The following TCF4 variants were observed in gnomAD, a reference collection of about 807,000 sequenced individuals.
TCF4 encodes transcription factor 4.
A neutral mutation model predicts 82.1 loss-of-function variants in TCF4; 3 were observed. The ratio of observed to expected loss-of-function variants is 0.04; its 90% CI spans 0.02 to 0.09. The LOEUF is 0.09. TCF4 is among the 10% of genes least tolerant of loss of function. The probability of loss-of-function intolerance (pLI) is 1.00; values close to 1 mark genes in which losing one functional copy is unlikely to be tolerated. For missense variants in TCF4, 518 were observed against 852.7 expected (o/e 0.61, Z 4.89); for synonymous variants, 276 against 309.6 (o/e 0.89, Z 1.14).
chr18:55,351,228 C>G, intron 6 of TCF4: 1 of 516,504 alleles, frequency 1.9e-6, no homozygotes, highest in South Asian at 2.2e-5. Context: ...AGATGATTCC[C>G]TTTAAACAAT....
chr18:55,237,207 C>T (rs1294715884), intron 15 of TCF4, among the ~76,000 whole-genome samples: 1 of 152,082 alleles, frequency 6.6e-6, no homozygotes, highest in Non-Finnish European at 1.5e-5. Context: ...TCAAGAACCC[C>T]CTCAAAACTC....
intron 3 of TCF4, chr18:55,510,700 A>G: frequency 6.9e-7 from 1 of 1,443,196 alleles, no homozygotes; most frequent in Non-Finnish European, 9.1e-7. Context: ...CTCCACTTTA[A>G]AAGGCCTTTC....
chr18:55,318,559 A>G (rs2074716816), intron 8 of TCF4, among the ~76,000 whole-genome samples: 1 of 152,144 alleles, frequency 6.6e-6, no homozygotes, highest in Admixed American at 6.6e-5. Flanking sequence ...CTGAGGAGAA[A>G]CTGATTTTTA....
chr18:55,446,338 C>A (rs1340746461), intron 5 of TCF4, among the ~76,000 whole-genome samples: 2 of 152,168 alleles, frequency 1.3e-5, no homozygotes, highest in Non-Finnish European at 2.9e-5. Context: ...AGGGGAAAAA[C>A]CCCTTTGTTT....
chr18:55,244,317 G>A (rs1327684140), intron 15 of TCF4, among the ~76,000 whole-genome samples: 3 of 152,076 alleles, frequency 2.0e-5, no homozygotes, highest in African/African-American at 7.2e-5. Context: ...TTATGGTACT[G>A]CTTATTTGAA....
At chr18:55,341,652 C>T (rs1569092995) in intron 8 of TCF4, among the ~76,000 whole-genome samples, 2 of 152,028 alleles carry the variant, frequency 1.3e-5, no homozygotes, top group Non-Finnish European at 1.5e-5. Context: ...TATTCATTCA[C>T]TGGAAATATA....
intron 12 of TCF4, among the ~76,000 whole-genome samples, chr18:55,260,615 G>C (rs1264001590): frequency 6.6e-6 from 1 of 152,118 alleles, no homozygotes; most frequent in Non-Finnish European, 1.5e-5. Context: ...TTGGAGTGCA[G>C]TGGCATGATC....
intron 3 of TCF4, among the ~76,000 whole-genome samples, chr18:55,554,607 G>A (rs2097288666): frequency 6.6e-6 from 1 of 152,104 alleles, no homozygotes; most frequent in Non-Finnish European, 1.5e-5. Context: ...AAACATATCT[G>A]TGGAAGTACT....
rs536511475 is a variant in TCF4 at position 55,300,665 on chromosome 18, T to C, written c.550-21009A>G. On this transcript the variant is annotated intron_variant, in intron 8 of 19. Coordinates refer to ENST00000354452, the MANE Select transcript of TCF4 (RefSeq NM_001083962.2). ...GCCTGGCGTTGCCATCAAATGGTAA[T>C]TGATACCATATGAGCCACAAAATAG... Among the ~76,000 whole-genome samples, 6 of 152,258 alleles carry C rather than the reference T, an allele frequency of 3.9e-5. No individual in the cohort carries two copies. The South Asian group carries it at 1.0e-3, about 26-fold the overall frequency.
intron 2 of TCF4, among the ~76,000 whole-genome samples, chr18:55,620,379 G>A (rs1385440500): frequency 6.6e-6 from 1 of 152,108 alleles, no homozygotes; most frequent in Admixed American, 6.5e-5. Flanking sequence ...TCTGCCCATC[G>A]TCCTCTAAAT....
intron 3 of TCF4, among the ~76,000 whole-genome samples, chr18:55,475,250 A>G (rs2096267081): frequency 6.6e-6 from 1 of 152,194 alleles, no homozygotes; most frequent in Non-Finnish European, 1.5e-5. Flanking sequence ...GTGATATTAG[A>G]ATTTTGGAAG....
intron 2 of TCF4, among the ~76,000 whole-genome samples, chr18:55,611,918 G>A (rs754669752): frequency 1.8e-4 from 27 of 152,152 alleles, no homozygotes; most frequent in Non-Finnish European, 3.4e-4. Context: ...ACAGGCACTC[G>A]TCACCATGCC....
intron 8 of TCF4, among the ~76,000 whole-genome samples, chr18:55,293,931 CTTTTTTT>C (rs781150808): frequency 6.0e-4 from 24 of 40,052 alleles, no homozygotes; most frequent in East Asian, 4.2e-3. Flanking sequence ...TTTCCAAGGA[CTTTTTTT>C]TTTTTTTTTT....
At chr18:55,356,426 AAATTT>A (rs1363165919) in intron 6 of TCF4, among the ~76,000 whole-genome samples, 2 of 152,208 alleles carry the variant, frequency 1.3e-5, no homozygotes, top group Non-Finnish European at 2.9e-5. Context: ...CTTCATAATT[AAATTT>A]AAGTGGCCAT....
chr18:55,553,593 ACT>A (rs1234412526), intron 3 of TCF4, among the ~76,000 whole-genome samples: 1 of 152,076 alleles, frequency 6.6e-6, no homozygotes, highest in Non-Finnish European at 1.5e-5. Flanking sequence ...TTATGTATTT[ACT>A]CTCTGTCTTT....
intron 3 of TCF4, among the ~76,000 whole-genome samples, chr18:55,538,941 T>C (rs1030125822): frequency 3.3e-5 from 5 of 152,048 alleles, no homozygotes; most frequent in African/African-American, 9.7e-5. Flanking sequence ...CACATAATAA[T>C]TGATCTTAGA....
chr18:55,292,747 T>A (rs1162441907), intron 8 of TCF4, among the ~76,000 whole-genome samples: 1 of 152,096 alleles, frequency 6.6e-6, no homozygotes, highest in Non-Finnish European at 1.5e-5. Flanking sequence ...GATACATATA[T>A]GTATACATAT....
chr18:55,590,429 C>G (rs1240991034), upstream of TCF4, among the ~76,000 whole-genome samples: 1 of 152,242 alleles, frequency 6.6e-6, no homozygotes, highest in South Asian at 2.1e-4. Context: ...AGACCTTCAT[C>G]TATTGCTTTG....
At chr18:55,250,040 G>A (rs537869483) in intron 15 of TCF4, among the ~76,000 whole-genome samples, 1 of 152,242 alleles carries the variant, frequency 6.6e-6, no homozygotes, top group South Asian at 2.1e-4. Flanking sequence ...AGGCAGAGAG[G>A]GAATCATACT....
Sources: gnomAD v4.1 joint callset for allele counts (sites outside exome capture counted in the v4.1 genomes callset) on GRCh38, gnomAD v4.1.1 for gene constraint, MANE v1.5 for transcripts, NCBI Gene and HGNC (gene_info 2026-07-23, HGNC 2026-07-21) for gene names.